CNTN4: variants seen among roughly 807,000 people sequenced by gnomAD.
CNTN4 encodes contactin-4.
In CNTN4, 77 loss-of-function variants were observed where a neutral mutation model predicts 122.5. The observed-to-expected ratio is 0.63, with a 90% CI of 0.52 to 0.76. The LOEUF (loss-of-function observed/expected upper bound fraction) is 0.76, where lower values mean the gene tolerates loss of function less well. Among genes scored for constraint, CNTN4 ranks in the 30% least tolerant of loss-of-function variants. CNTN4 has a pLI of 0.00. For missense variants in CNTN4, 1,256 were observed against 1,259.1 expected (o/e 1.00, Z 0.04); for synonymous variants, 512 against 447.0 (o/e 1.15, Z -1.83).
chr3:2,734,218 G>A (rs187050680), intron 4 of CNTN4, among the ~76,000 whole-genome samples: 36 of 152,180 alleles, frequency 2.4e-4, no homozygotes, highest in African/African-American at 7.2e-4. Flanking sequence ...ATGCCACCAA[G>A]CCCAGCTAAT....
chr3:2,172,164 A>T (rs537836830), intron 2 of CNTN4, among the ~76,000 whole-genome samples: 81 of 152,302 alleles, frequency 5.3e-4, no homozygotes, highest in African/African-American at 1.8e-3. Context: ...TTGATTGCAA[A>T]CCAAAGAGTG....
At chr3:2,950,182 C>T (rs764870025) in intron 13 of CNTN4, among the ~76,000 whole-genome samples, 32 of 152,180 alleles carry the variant, frequency 2.1e-4, no homozygotes, top group Non-Finnish European at 2.2e-4. Flanking sequence ...CCTGTTTCCT[C>T]GAAGGGTAGC....
intron 3 of CNTN4, among the ~76,000 whole-genome samples, chr3:2,394,533 A>G (rs908358731): frequency 1.3e-5 from 2 of 152,210 alleles, no homozygotes; most frequent in African/African-American, 4.8e-5. Flanking sequence ...GCCAATATAT[A>G]TCCACTGAAA....
intron 7 of CNTN4, among the ~76,000 whole-genome samples, chr3:2,848,814 T>C (rs529561194): frequency 6.6e-6 from 1 of 152,332 alleles, no homozygotes; most frequent in South Asian, 2.1e-4. Context: ...AAACCAATTA[T>C]GGTGAGTGGA....
intron 4 of CNTN4, among the ~76,000 whole-genome samples, chr3:2,641,924 T>G (rs2082911151): frequency 6.6e-6 from 1 of 152,210 alleles, no homozygotes; most frequent in Non-Finnish European, 1.5e-5. Context: ...TTTCACACCT[T>G]AACTTTGGTG....
Position 2,538,136 on chromosome 3 carries a change from A to G in CNTN4, c.-88-33280A>G, listed in dbSNP as rs577460823. The stretch of plus-strand genomic sequence containing the variant: ...ATAAAAGGGGGAAATTTGGACACAA[A>G]TAGACACACAGGGAAAACACCATGT... On this transcript the variant is annotated intron_variant, in intron 3 of 24. Transcript: ENST00000418658. 2.0e-5 allele frequency among the ~76,000 whole-genome samples: 3 copies of G among 152,248 alleles called. No individual in the cohort carries two copies. The East Asian group carries it at 5.8e-4, about 29-fold the overall frequency.
intron 12 of CNTN4, among the ~76,000 whole-genome samples, chr3:2,904,956 C>T (rs2094213113): frequency 6.6e-6 from 1 of 152,020 alleles, no homozygotes; most frequent in African/African-American, 2.4e-5. Context: ...ATGACTCCAA[C>T]AAAGTGAGAA....
At chr3:2,379,967 G>C (rs1026172508) in intron 3 of CNTN4, among the ~76,000 whole-genome samples, 2 of 149,126 alleles carry the variant, frequency 1.3e-5, no homozygotes, top group Non-Finnish European at 3.0e-5. Flanking sequence ...TGAGACCGGA[G>C]AATCGCTTGA....
intron 2 of CNTN4, among the ~76,000 whole-genome samples, chr3:2,114,909 A>G (rs535327543): frequency 6.6e-6 from 1 of 152,326 alleles, no homozygotes. Context: ...GACATTATTA[A>G]AGGAAATTTA....
At chr3:2,277,776 CTACATGGCTCATTTG>C (rs2041571941) in intron 2 of CNTN4, among the ~76,000 whole-genome samples, 1 of 152,116 alleles carries the variant, frequency 6.6e-6, no homozygotes, top group African/African-American at 2.4e-5. Context: ...TGAGATGCAC[CTACATGGCTCATTTG>C]TGCTTACTTC....
chr3:2,908,707 A>T (rs1369315873), intron 12 of CNTN4, among the ~76,000 whole-genome samples: 1 of 152,238 alleles, frequency 6.6e-6, no homozygotes, highest in East Asian at 1.9e-4. Flanking sequence ...GATTTTGCTT[A>T]TATATGTGAG....
intron 4 of CNTN4, among the ~76,000 whole-genome samples, chr3:2,637,269 T>TATG (rs1359734634): frequency 6.6e-6 from 1 of 152,138 alleles, no homozygotes; most frequent in Non-Finnish European, 1.5e-5. Context: ...CACAAGGTGC[T>TATG]TAAACCATTT....
At chr3:2,842,364 C>T (rs1460922905) in intron 7 of CNTN4, among the ~76,000 whole-genome samples, 1 of 152,168 alleles carries the variant, frequency 6.6e-6, no homozygotes. Context: ...TCAACCCCAT[C>T]CTCTTGGTCA....
At chr3:2,916,689 A>G (rs539184281) in intron 12 of CNTN4, among the ~76,000 whole-genome samples, 2,940 of 132,148 alleles carry the variant, frequency 0.022, 635 homozygotes, top group African/African-American at 0.087. Flanking sequence ...CATCGTCATC[A>G]TGGCCCGTTC....
intron 4 of CNTN4, among the ~76,000 whole-genome samples, chr3:2,690,169 A>G (rs1409821860): frequency 6.6e-6 from 1 of 152,158 alleles, no homozygotes; most frequent in Non-Finnish European, 1.5e-5. Flanking sequence ...ATTAGCAGGT[A>G]GTGTGTATTC....
chr3:2,585,371 T>C (rs1205947944), intron 4 of CNTN4, among the ~76,000 whole-genome samples: 1 of 151,512 alleles, frequency 6.6e-6, no homozygotes, highest in Non-Finnish European at 1.5e-5. Context: ...ATCATGCTGC[T>C]ATAAAGACAC....
chr3:2,549,827 C>G (rs1443995000), intron 3 of CNTN4, among the ~76,000 whole-genome samples: 1 of 152,024 alleles, frequency 6.6e-6, no homozygotes, highest in Non-Finnish European at 1.5e-5. Context: ...TCCATCTGGT[C>G]CTGGGCTTCT....
intron 4 of CNTN4, among the ~76,000 whole-genome samples, chr3:2,668,095 G>A (rs2084279223): frequency 6.6e-6 from 1 of 152,080 alleles, no homozygotes; most frequent in African/African-American, 2.4e-5. Flanking sequence ...GGTTCCATAT[G>A]AACTTTAAAG....
rs151001173 is a variant in CNTN4 at position 2,521,077 on chromosome 3, ACTT to A, written c.-88-50332_-88-50330del. 4.0e-4 allele frequency among the ~76,000 whole-genome samples: 61 copies of A among 152,180 alleles called. 1 individual carries two copies. The East Asian group carries it at 0.011, about 28-fold the overall frequency. ...GAGGCGCCTTGTCCCTATTTTCACT[ACTT>A]CTTCTTGCTCTGTTGGCTGTTTTGC... is the stretch of plus-strand genomic sequence containing the variant. On this transcript the variant is annotated intron_variant, in intron 3 of 24. Coordinates refer to ENST00000418658, the MANE Select transcript of CNTN4 (RefSeq NM_175607.3).
Sources: allele counts gnomAD v4.1 joint callset (sites outside exome capture counted in the v4.1 genomes callset), GRCh38; gene constraint gnomAD v4.1.1; transcripts MANE v1.5; gene names NCBI Gene and HGNC (gene_info 2026-07-23, HGNC 2026-07-21).